EXOC4: variants seen among roughly 807,000 people sequenced by gnomAD.
The protein encoded by EXOC4 is exocyst complex component 4, also known as SEC8-like 1.
In EXOC4, 71 loss-of-function variants were observed where a neutral mutation model predicts 107.2. The observed-to-expected ratio is 0.66, with a 90% confidence interval of 0.55 to 0.81. The LOEUF is 0.81. EXOC4 is among the 30% of genes least tolerant of loss of function. The pLI is 0.00. For synonymous variants in EXOC4, 456 were observed against 441.2 expected (o/e 1.03, Z -0.42); for missense variants, 1,108 against 1,189.6 (o/e 0.93, Z 1.01).
chr7:133,823,871 A>ATATT (rs1563014863), intron 11 of EXOC4, among the ~76,000 whole-genome samples: 2 of 14,320 alleles, frequency 1.4e-4, no homozygotes, highest in Non-Finnish European at 2.0e-4. Context: ...ATATATATAT[A>ATATT]TTATATATAT....
rs1802321102 is a variant in EXOC4, at chr7:133,621,201, T to C, written c.1418-8844T>C. ...GTTGCTTCATTTTTGTTTCTTCCCT[T>C]GTTATCTTGTCCTTCCACTCCTCTT... On this transcript the variant is annotated intron_variant, in intron 9 of 17. Transcript: ENST00000253861. Among the ~76,000 whole-genome samples, 4 of 152,236 alleles carry C rather than the reference T, an allele frequency of 2.6e-5. No individual in the cohort carries two copies. The South Asian group carries it at 8.3e-4, about 32-fold the overall frequency.
chr7:133,496,154 T>A (rs1317506444), intron 9 of EXOC4, among the ~76,000 whole-genome samples: 1 of 152,124 alleles, frequency 6.6e-6, no homozygotes, highest in Non-Finnish European at 1.5e-5. Flanking sequence ...TTGTTGTTGT[T>A]GTTGGTTTTT....
chr7:133,746,787 C>T (rs1046502428), intron 10 of EXOC4, among the ~76,000 whole-genome samples: 1 of 152,112 alleles, frequency 6.6e-6, no homozygotes, highest in African/African-American at 2.4e-5. Context: ...ATTTCAAAGC[C>T]AGAGATGCAG....
At chr7:133,976,635 G>A (rs1430414590) in intron 14 of EXOC4, among the ~76,000 whole-genome samples, 2 of 152,152 alleles carry the variant, frequency 1.3e-5, no homozygotes, top group African/African-American at 2.4e-5. Flanking sequence ...ACTATCATAG[G>A]TGCCCAAGGA....
At chr7:133,845,354 G>C (rs1798103904) in intron 11 of EXOC4, among the ~76,000 whole-genome samples, 1 of 149,642 alleles carries the variant, frequency 6.7e-6, no homozygotes, top group Non-Finnish European at 1.5e-5. Flanking sequence ...GTGTGTGTGT[G>C]TGTGTGTGTG....
rs116302826 is a variant in EXOC4 at position 133,858,619 on chromosome 7, A to G, written c.1735-36980A>G. ...CTCCTGCTGCTATCATTAATAACCT[A>G]CGACTAAACAGACATAATTTTATTG... On this transcript the variant is annotated intron_variant, in intron 11 of 17. Coordinates refer to ENST00000253861, the MANE Select transcript of EXOC4 (RefSeq NM_021807.4). 2.4e-3 allele frequency among the ~76,000 whole-genome samples: 365 copies of G among 152,206 alleles called. 5 individuals carry two copies. The highest frequency in any genetic ancestry group is 8.2e-3 in the African/African-American group (341 of 41,518).
intron 10 of EXOC4, among the ~76,000 whole-genome samples, chr7:133,671,074 C>T (rs1793934865): frequency 6.6e-6 from 1 of 152,054 alleles, no homozygotes; most frequent in Non-Finnish European, 1.5e-5. Context: ...GGACAACAGC[C>T]CTGAGACCCG....
intron 10 of EXOC4, among the ~76,000 whole-genome samples, chr7:133,705,488 A>G (rs940740734): frequency 1.3e-5 from 2 of 152,238 alleles, no homozygotes; most frequent in African/African-American, 2.4e-5. Flanking sequence ...ATAAAAATAT[A>G]GTAGTTCCTC....
At chr7:133,347,592 T>G (rs1429346922) in intron 5 of EXOC4, among the ~76,000 whole-genome samples, 1 of 152,210 alleles carries the variant, frequency 6.6e-6, no homozygotes, top group Non-Finnish European at 1.5e-5. Flanking sequence ...GAAAGGACCA[T>G]AGATATTATC....
chr7:133,917,557 G>T (rs1420905558), intron 12 of EXOC4, 26 bp from the exon 13 acceptor site: 3 of 1,609,914 alleles, frequency 1.9e-6, no homozygotes. Context: ...ATGCTACAGT[G>T]TCTCTTTTCT....
rs527817629 is a variant in EXOC4 at position 133,356,448 on chromosome 7, A to G, written c.882A>G (p.Glu294=). 5.6e-6 allele frequency: 9 copies of G among 1,614,140 alleles called. No homozygotes were observed. The Admixed American group carries it at 1.2e-4, about 21-fold the overall frequency. ...TGGCGAAACTGAAGAAGATCCCAGA[A>G]ACAGTTAAGGCAATCATAGAGCGCT... ...KGLAKLKKIP[E]TVKAIIERLE... The change falls in exon 6 of 18, where the codon GAA becomes GAG. Residue 294 remains glutamate (E), a synonymous_variant. Transcript: ENST00000253861.
rs1436141554 is a variant in EXOC4 at position 133,858,476 on chromosome 7, T to G, written c.1735-37123T>G. 2.0e-5 allele frequency among the ~76,000 whole-genome samples: 3 copies of G among 152,280 alleles called. No homozygotes were observed. The East Asian group carries it at 5.8e-4, about 29-fold the overall frequency. ...TGACCCAAAGGCATTAAGGAAGTTC[T>G]CACTGTGGGTAGTGGATTCTCCCGG... On this transcript the variant is annotated intron_variant, in intron 11 of 17. Coordinates refer to ENST00000253861, the MANE Select transcript of EXOC4 (RefSeq NM_021807.4).
intron 5 of EXOC4, among the ~76,000 whole-genome samples, chr7:133,351,895 C>T (rs2150647954): frequency 6.6e-6 from 1 of 151,954 alleles, no homozygotes; most frequent in South Asian, 2.1e-4. Context: ...TTTCATTAAT[C>T]TCTAAGTAAT....
At position 133,805,768 on chromosome 7, in the gene EXOC4, G is replaced by A. The variant is rs551267039; in HGVS notation, c.1515-11557G>A. On this transcript the variant is annotated intron_variant, in intron 10 of 17. Transcript: ENST00000253861. ...CAAGGCATGTTTTATGAAACTGCAAGGAGTTCTAGATTCTTTGCTTTAATG... is the reference window on the plus strand; with the variant it reads ...CAAGGCATGTTTTATGAAACTGCAAAGAGTTCTAGATTCTTTGCTTTAATG... Among the ~76,000 whole-genome samples the A allele has an allele frequency of 2.0e-5, 3 of 152,164 alleles. No individual in the cohort carries two copies. In the South Asian group the frequency reaches 6.2e-4, roughly 32 times the overall value.
chr7:133,515,318 A>T (rs1044943368), intron 9 of EXOC4, among the ~76,000 whole-genome samples: 26 of 145,380 alleles, frequency 1.8e-4, no homozygotes, highest in African/African-American at 6.5e-4. Context: ...TCCAATCAGT[A>T]GCCCAAGTGT....
rs188958350 is a variant in EXOC4 at position 133,340,212 on chromosome 7, A to G, written c.764-16118A>G. On this transcript the variant is annotated intron_variant, in intron 5 of 17. Coordinates refer to ENST00000253861, the MANE Select transcript of EXOC4 (RefSeq NM_021807.4). ...TATGCTGATTTTGCAGAGAGTTTTA[A>G]TCATAAAGTGATGCTGGATTTCGTC... 2.0e-5 allele frequency among the ~76,000 whole-genome samples: 3 copies of G among 152,216 alleles called. No individual in the cohort carries two copies. In the East Asian group the frequency reaches 5.8e-4, roughly 29 times the overall value.
At chr7:133,857,253 A>G (rs1466022970) in intron 11 of EXOC4, among the ~76,000 whole-genome samples, 1 of 40,440 alleles carries the variant, frequency 2.5e-5, no homozygotes, top group Non-Finnish European at 3.9e-5. Flanking sequence ...ACATATATAT[A>G]TATATATATA....
intron 17 of EXOC4, among the ~76,000 whole-genome samples, chr7:134,038,138 G>A (rs946716156): frequency 2.0e-5 from 3 of 152,168 alleles, no homozygotes; most frequent in Non-Finnish European, 2.9e-5. Context: ...CTAAGGAGTC[G>A]CAGTATCGAT....
intron 1 of EXOC4, among the ~76,000 whole-genome samples, chr7:133,260,853 A>C (rs971270511): frequency 2.6e-5 from 4 of 151,886 alleles, no homozygotes; most frequent in Admixed American, 2.0e-4. Context: ...TCAGATTTCT[A>C]TTTTAGGCCA....
Sources: allele counts gnomAD v4.1 joint callset (sites outside exome capture counted in the v4.1 genomes callset), GRCh38; gene constraint gnomAD v4.1.1; transcripts MANE v1.5; gene names NCBI Gene and HGNC (gene_info 2026-07-23, HGNC 2026-07-21).